TTC28: variants seen among roughly 807,000 people sequenced by gnomAD.
TTC28 encodes the protein tetratricopeptide repeat domain 28.
In TTC28, 61 loss-of-function variants were observed where a neutral mutation model predicts 198.0. The ratio of observed to expected loss-of-function variants is 0.31; its 90% CI spans 0.25 to 0.38. The LOEUF is 0.38. Ranked by LOEUF, TTC28 falls within the 10% of genes least tolerant of loss-of-function variation. TTC28 has a pLI of 1.00. For missense variants in TTC28, 2,678 were observed against 3,164.0 expected, an observed-to-expected ratio of 0.85 and a Z score of 3.69; for synonymous variants, 1,171 against 1,297.8, an observed-to-expected ratio of 0.90 and a Z score of 2.10.
In TTC28 at chr22:27,982,547, G is replaced by A; in HGVS notation, c.7120C>T (p.Pro2374Ser). Residue 2374 changes from proline to serine, a missense_variant, in exon 23 of 23, where the codon CCA (proline) becomes TCA (serine). Pro to Ser is a moderately conservative substitution (Grantham distance 74, BLOSUM62 -1). Coordinates refer to ENST00000397906, the MANE Select transcript of TTC28 (RefSeq NM_001145418.2). This position sits in a 1 kb window ranked among gnomAD's most constrained non-coding sequence, Gnocchi z 5.2. The part of the protein sequence containing the change: ...WQSTPQHSTG[P>S]MKIFRGAPGT... ...GGAGCCCCCCGGAAGATCTTCATTG[G>A]CCCTGTGGAATGCTGGGGTGTGCTC... 5 of 1,551,766 alleles carry A rather than the reference G, an allele frequency of 3.2e-6. No individual in the cohort carries two copies. Among genetic ancestry groups the A allele is most frequent in the Non-Finnish European group, 4.4e-6 (5 of 1,147,010 alleles).
At chr22:28,388,004 C>A (rs1174673357) in intron 2 of TTC28, among the ~76,000 whole-genome samples, 1 of 152,172 alleles carries the variant, frequency 6.6e-6, no homozygotes. Context: ...TTTAATCCAT[C>A]TTGAATTGAT....
chr22:28,103,185 C>T (rs908177445), intron 8 of TTC28, among the ~76,000 whole-genome samples: 1 of 152,188 alleles, frequency 6.6e-6, no homozygotes, highest in East Asian at 1.9e-4. Flanking sequence ...TCTGCTTCTG[C>T]CTCTTAGGAA....
At chr22:28,222,834 T>C (rs1237814257) in intron 5 of TTC28, among the ~76,000 whole-genome samples, 1 of 152,206 alleles carries the variant, frequency 6.6e-6, no homozygotes, top group African/African-American at 2.4e-5. Flanking sequence ...TACAAGCCCT[T>C]TTCAGCCTTT....
At chr22:28,361,412 C>T (rs1051498734) in intron 2 of TTC28, among the ~76,000 whole-genome samples, 4 of 152,252 alleles carry the variant, frequency 2.6e-5, no homozygotes, top group African/African-American at 7.2e-5. Flanking sequence ...CCAGCCACAA[C>T]ATTCCCTTAA....
chr22:28,161,617 A>G (rs1921190691), intron 6 of TTC28, among the ~76,000 whole-genome samples: 1 of 151,846 alleles, frequency 6.6e-6, no homozygotes, highest in Non-Finnish European at 1.5e-5. Flanking sequence ...TTGCACCACT[A>G]TACTCCAGCC....
At chr22:28,090,211 C>T in intron 12 of TTC28, among the ~76,000 whole-genome samples, 1 of 151,762 alleles carries the variant, frequency 6.6e-6, no homozygotes, top group East Asian at 1.9e-4. Context: ...TATAATTTCA[C>T]CATTCATTTA....
intron 5 of TTC28, among the ~76,000 whole-genome samples, chr22:28,223,772 T>C (rs1179854872): frequency 2.0e-5 from 3 of 152,238 alleles, no homozygotes; most frequent in African/African-American, 4.8e-5. Flanking sequence ...TGAAAAGAAA[T>C]GGCTTTCTAA....
At chr22:28,117,680 A>G (rs1486030047) in intron 6 of TTC28, among the ~76,000 whole-genome samples, 1 of 152,196 alleles carries the variant, frequency 6.6e-6, no homozygotes, top group African/African-American at 2.4e-5. Context: ...GTCTACTACA[A>G]TCTTTGCTGT....
At chr22:28,675,747 A>T (rs1476220038) in intron 1 of TTC28, among the ~76,000 whole-genome samples, 3 of 150,650 alleles carry the variant, frequency 2.0e-5, no homozygotes, top group African/African-American at 7.3e-5. Flanking sequence ...ACACACACAC[A>T]CACACACACA....
intron 5 of TTC28, among the ~76,000 whole-genome samples, chr22:28,226,284 C>T (rs1037990635): frequency 7.9e-5 from 12 of 152,160 alleles, no homozygotes; most frequent in African/African-American, 2.4e-4. Flanking sequence ...TCTAGTTCTT[C>T]CATATCCTTG....
intron 13 of TTC28, among the ~76,000 whole-genome samples, chr22:28,021,295 A>C (rs1938583837): frequency 1.3e-5 from 2 of 152,176 alleles, no homozygotes; most frequent in African/African-American, 4.8e-5. Flanking sequence ...GCAATCTCGA[A>C]GAACCTCACT....
intron 2 of TTC28, among the ~76,000 whole-genome samples, chr22:28,392,443 C>G (rs1316606372): frequency 3.9e-5 from 6 of 152,214 alleles, no homozygotes; most frequent in African/African-American, 4.8e-5. Context: ...CCCCCAGCCT[C>G]GCTGCCGCCT....
chr22:28,349,031 CTG>C (rs2045951181), intron 2 of TTC28, among the ~76,000 whole-genome samples: 1 of 152,196 alleles, frequency 6.6e-6, no homozygotes, highest in Non-Finnish European at 1.5e-5. Flanking sequence ...ATCTGCTGCT[CTG>C]TGTCACATGG....
chr22:28,604,297 T>TATATATATATATA lies in TTC28; in HGVS notation c.381+25254_381+25255insTATATATATATAT, dbSNP rs1053139903. ...AGTCTTAAACAGAAAAAAAAAAAAA[T>TATATATATATATA]TATATATATATATATATATATATAT... On this transcript the variant is annotated intron_variant, in intron 2 of 22. Coordinates refer to ENST00000397906, the MANE Select transcript of TTC28 (RefSeq NM_001145418.2). Among the ~76,000 whole-genome samples the TATATATATATATA allele has an allele frequency of 5.0e-4, 57 of 114,100 alleles. 1 individual carries two copies. Among genetic ancestry groups the TATATATATATATA allele is most frequent in the South Asian group, 1.1e-3 (4 of 3,578 alleles). 74.9% of individuals were successfully genotyped at this position (114,100 alleles called of 152,430 possible).
chr22:28,061,825 C>T (rs949494073), intron 12 of TTC28, among the ~76,000 whole-genome samples: 5 of 152,164 alleles, frequency 3.3e-5, no homozygotes, highest in Admixed American at 6.5e-5. Context: ...GCCATTTTCA[C>T]GATATTCATT....
chr22:28,032,207 TATATATATATAAAATATATATATATAAA>T (rs1569094801), intron 12 of TTC28, among the ~76,000 whole-genome samples: 5 of 125,852 alleles, frequency 4.0e-5, no homozygotes, highest in Admixed American at 2.5e-4. Context: ...ATATATAAAA[TATATATATATAAAATATATATATATAAA>T]ATATATATAT....
chr22:28,299,455 C>G (rs569198505), intron 3 of TTC28, among the ~76,000 whole-genome samples: 1 of 152,224 alleles, frequency 6.6e-6, no homozygotes, highest in African/African-American at 2.4e-5. Flanking sequence ...AGATCACTAA[C>G]AGAGAACAAA....
At position 28,001,448 on chromosome 22, in the gene TTC28, A is replaced by G; in HGVS notation, c.4324T>C (p.Ser1442Pro). 1.3e-6 allele frequency: 2 copies of G among 1,551,644 alleles called. No individual in the cohort carries two copies. The highest frequency in any genetic ancestry group is 1.7e-6 in the Non-Finnish European group (2 of 1,146,988). ...IPFALLKGSS[S>P]NEYLYERFGL... Reference sequence around the variant, plus strand: ...AAGCGCTCGTAGAGGTACTCATTGGAGGAGCTTCCCTTCAGGAGGGCGAAA... The same window carrying G: ...AAGCGCTCGTAGAGGTACTCATTGGGGGAGCTTCCCTTCAGGAGGGCGAAA... The change falls in exon 15 of 23, where the codon TCC (serine) becomes CCC (proline). Residue 1442 changes from serine (S) to proline (P), a missense_variant. Physicochemically the swap from Ser to Pro is moderately conservative, Grantham distance 74 (BLOSUM62 -1). Around this residue, in one of 8 missense-constraint regions of TTC28, gnomAD observed 727 missense variants for 861.9 expected, o/e 0.84. Transcript: ENST00000397906.
At chr22:28,517,617 A>G (rs1414363721) in intron 2 of TTC28, among the ~76,000 whole-genome samples, 3 of 152,198 alleles carry the variant, frequency 2.0e-5, no homozygotes, top group Non-Finnish European at 4.4e-5. Flanking sequence ...TGGCAAGGCT[A>G]TTTTCGTGGT....
Sources: allele counts gnomAD v4.1 joint callset (sites outside exome capture counted in the v4.1 genomes callset), GRCh38; gene constraint gnomAD v4.1.1; regional missense constraint gnomAD v4.1.1; non-coding constraint Gnocchi (gnomAD v3.1); transcripts MANE v1.5; gene names NCBI Gene and HGNC (gene_info 2026-07-23, HGNC 2026-07-21).